ENOX1: variants seen among roughly 807,000 people sequenced by gnomAD.
The protein encoded by ENOX1 is ecto-NOX disulfide-thiol exchanger 1.
Under a neutral mutation model 82.5 loss-of-function variants are expected in ENOX1, and 42 were observed. The observed-to-expected ratio is 0.51, with a 90% CI of 0.40 to 0.66. The LOEUF (loss-of-function observed/expected upper bound fraction) is 0.66. Ranked by LOEUF, ENOX1 falls within the 30% of genes least tolerant of loss-of-function variation. The probability of loss-of-function intolerance (pLI) is 0.00; values close to 1 mark genes in which losing one functional copy is unlikely to be tolerated. For missense variants in ENOX1, 608 were observed against 811.6 expected (o/e 0.75, Z 3.05); for synonymous variants, 271 against 282.2 (o/e 0.96, Z 0.40).
At chr13:43,597,330 G>A (rs1200864297) in intron 2 of ENOX1, among the ~76,000 whole-genome samples, 2 of 152,136 alleles carry the variant, frequency 1.3e-5, no homozygotes, top group Non-Finnish European at 2.9e-5. Context: ...GGCCAAGAAA[G>A]GGAAACAAAG....
intron 14 of ENOX1, among the ~76,000 whole-genome samples, chr13:43,245,664 G>C (rs1025935797): frequency 6.6e-6 from 1 of 152,082 alleles, no homozygotes; most frequent in African/African-American, 2.4e-5. Context: ...GAGGGTCGTG[G>C]GCTCTCACCA....
intron 5 of ENOX1, among the ~76,000 whole-genome samples, chr13:43,365,149 C>A (rs535675155): frequency 6.6e-6 from 1 of 152,338 alleles, no homozygotes; most frequent in South Asian, 2.1e-4. Flanking sequence ...GCTAGCCATG[C>A]CTTGCTCCTT....
chr13:43,705,768 G>A (rs547485706), intron 1 of ENOX1, among the ~76,000 whole-genome samples: 12 of 152,038 alleles, frequency 7.9e-5, no homozygotes, highest in African/African-American at 2.9e-4. Context: ...ACAGACCAAG[G>A]GGATAGTATG....
At chr13:43,746,806 C>A (rs1464247662) in intron 1 of ENOX1, among the ~76,000 whole-genome samples, 5 of 152,098 alleles carry the variant, frequency 3.3e-5, no homozygotes, top group Non-Finnish European at 7.4e-5. Context: ...GGCCGATTTA[C>A]CAAAAGCTAG....
In ENOX1 at chr13:43,616,840, GTTTAAT is replaced by G. The variant is rs142876720; in HGVS notation, c.-219+50633_-219+50638del. ...CCAAAAATGTTCCTCAGGAATTTTT[GTTTAAT>G]TTTGTTTTATTATTTTCCTCAGGTT... is the stretch of plus-strand genomic sequence containing the variant. On this transcript the variant is annotated intron_variant, in intron 2 of 16. Coordinates refer to ENST00000690772, the MANE Select transcript of ENOX1 (RefSeq NM_001347969.2). 9.9e-3 allele frequency among the ~76,000 whole-genome samples: 1,507 copies of G among 152,100 alleles called. 29 individuals carry two copies. Among genetic ancestry groups the G allele is most frequent in the African/African-American group, 0.035 (1,437 of 41,526 alleles).
intron 2 of ENOX1, among the ~76,000 whole-genome samples, chr13:43,659,125 T>C (rs1366675703): frequency 6.6e-6 from 1 of 152,184 alleles, no homozygotes; most frequent in Non-Finnish European, 1.5e-5. Context: ...CCCTTATAAA[T>C]TCTGTTGTGT....
chr13:43,298,207 C>T, intron 12 of ENOX1, 139 bp downstream of exon 12: 1 of 850,190 alleles, frequency 1.2e-6, no homozygotes. Context: ...GTCATTAGCA[C>T]TTTTCTGTCC....
At chr13:43,510,812 C>A (rs1026173801) in intron 2 of ENOX1, among the ~76,000 whole-genome samples, 5 of 151,996 alleles carry the variant, frequency 3.3e-5, no homozygotes, top group African/African-American at 1.2e-4. Flanking sequence ...ATAATGATGC[C>A]TAACTTATAG....
intron 2 of ENOX1, among the ~76,000 whole-genome samples, chr13:43,559,528 G>A (rs566803949): frequency 3.9e-4 from 60 of 152,236 alleles, no homozygotes; most frequent in African/African-American, 1.4e-3. Flanking sequence ...CAGATTAGAT[G>A]ACTTCTGAAA....
intron 3 of ENOX1, among the ~76,000 whole-genome samples, chr13:43,445,461 G>T (rs1434247018): frequency 1.3e-5 from 2 of 151,620 alleles, no homozygotes; most frequent in African/African-American, 4.8e-5. Flanking sequence ...TTTTAAAAAA[G>T]CCACTGCAAT....
chr13:43,666,969 C>T (rs899519518), intron 2 of ENOX1, among the ~76,000 whole-genome samples: 2 of 152,118 alleles, frequency 1.3e-5, no homozygotes, highest in African/African-American at 4.8e-5. Flanking sequence ...TAGAAAGAAA[C>T]AGAAGCAATA....
At chr13:43,244,654 A>G (rs991141151) in intron 14 of ENOX1, among the ~76,000 whole-genome samples, 5 of 152,116 alleles carry the variant, frequency 3.3e-5, no homozygotes, top group African/African-American at 1.2e-4. Flanking sequence ...TAAATAGAGA[A>G]ACCACCGCCA....
chr13:43,393,061 G>A (rs2875520), intron 5 of ENOX1, among the ~76,000 whole-genome samples: 149,400 of 152,332 alleles, frequency 0.98, 73,335 homozygotes, highest in East Asian at 1. Context: ...GATATTTTAC[G>A]TTAGTCATTA....
At chr13:43,272,324 T>A (rs946132593) in intron 12 of ENOX1, among the ~76,000 whole-genome samples, 1 of 152,182 alleles carries the variant, frequency 6.6e-6, no homozygotes, top group Admixed American at 6.5e-5. Context: ...AGTTCCCTTA[T>A]GGCCCTGTGG....
intron 1 of ENOX1, among the ~76,000 whole-genome samples, chr13:43,781,989 T>A (rs981103688): frequency 1.3e-5 from 2 of 152,172 alleles, no homozygotes; most frequent in Non-Finnish European, 2.9e-5. Flanking sequence ...TTTGGGTGGG[T>A]AAGAGTTTAC....
chr13:43,282,566 G>A (rs968511510), intron 12 of ENOX1, among the ~76,000 whole-genome samples: 2 of 151,146 alleles, frequency 1.3e-5, no homozygotes, highest in African/African-American at 2.4e-5. Flanking sequence ...TGGAACTACC[G>A]GCATGTGCCA....
intron 15 of ENOX1, among the ~76,000 whole-genome samples, chr13:43,226,347 C>T (rs1423820505): frequency 1.3e-5 from 2 of 151,824 alleles, no homozygotes; most frequent in African/African-American, 4.8e-5. Flanking sequence ...ATTTTGATAC[C>T]TGTATACAAT....
At chr13:43,262,047 T>C (rs1000678091) in intron 14 of ENOX1, among the ~76,000 whole-genome samples, 16 of 152,116 alleles carry the variant, frequency 1.1e-4, no homozygotes, top group Admixed American at 7.2e-4. Context: ...TTTATAATAA[T>C]ATAATGAAAA....
At chr13:43,425,297 A>G (rs1024393712) in intron 3 of ENOX1, among the ~76,000 whole-genome samples, 1 of 152,140 alleles carries the variant, frequency 6.6e-6, no homozygotes, top group Non-Finnish European at 1.5e-5. Context: ...AAGAGATGAG[A>G]GAATAAATGC....
Sources: allele counts gnomAD v4.1 joint callset (sites outside exome capture counted in the v4.1 genomes callset), GRCh38; gene constraint gnomAD v4.1.1; transcripts MANE v1.5; gene names NCBI Gene and HGNC (gene_info 2026-07-23, HGNC 2026-07-21).